The following ANKRD26 variants were observed in gnomAD, a reference collection of about 807,000 sequenced individuals.
ANKRD26 encodes the protein ankyrin repeat domain-containing protein 26.
A neutral mutation model predicts 208.7 loss-of-function variants in ANKRD26; 141 were observed. That is an observed-to-expected ratio of 0.68 (90% CI 0.59 to 0.78). ANKRD26 has a LOEUF of 0.78. ANKRD26 is among the 30% of genes least tolerant of loss of function. ANKRD26 has a pLI of 0.00. For missense variants in ANKRD26, 1,889 were observed against 1,938.7 expected, an observed-to-expected ratio of 0.97 and a Z score of 0.48; for synonymous variants, 636 against 660.4, an observed-to-expected ratio of 0.96 and a Z score of 0.57.
In ANKRD26 at chr10:27,031,878, C is replaced by T. The variant is rs2053874508; in HGVS notation, c.3807+1347G>A. 2.0e-5 allele frequency among the ~76,000 whole-genome samples: 3 copies of T among 151,988 alleles called. No individual in the cohort carries two copies. The South Asian group carries it at 6.2e-4, about 32-fold the overall frequency. ...TATTTCAAATAGTTTATAAATTAAC[C>T]TAAAACATTTGCATTTTGGAGAAAA... On this transcript the variant is annotated intron_variant, in intron 25 of 33. Transcript: ENST00000376087.
At position 27,077,443 on chromosome 10, in the gene ANKRD26, A is replaced by G. The variant is rs772012550; in HGVS notation, c.972T>C (p.Pro324=). The change falls in exon 9 of 34, where the codon CCT becomes CCC. Residue 324 remains proline (P), a synonymous_variant. Transcript: ENST00000376087. ...AGCACTGGACTTTGATTGATGTTGT[A>G]GGAAGGCTTTCAACCACAACTTCAT... The part of the protein sequence containing the change: ...SQDEVVVESL[P]TTSIKVQCFS... 1 of 1,613,750 alleles carries G rather than the reference A, an allele frequency of 6.2e-7. No individual in the cohort carries two copies. Among genetic ancestry groups the G allele is most frequent in the South Asian group, 1.1e-5 (1 of 91,084 alleles).
chr10:26,952,344 T>C, the ANKRD26 span, among the ~76,000 whole-genome samples: 1 of 152,060 alleles, frequency 6.6e-6, no homozygotes, highest in African/African-American at 2.4e-5. Flanking sequence ...TGTTTGTGTG[T>C]CTTGCCATTA....
At chr10:27,073,055 C>A (rs1247977293) in intron 9 of ANKRD26, among the ~76,000 whole-genome samples, 1 of 152,168 alleles carries the variant, frequency 6.6e-6, no homozygotes, top group Non-Finnish European at 1.5e-5. Context: ...CAGCCAGGTT[C>A]TCAGGGGCTG....
chr10:27,041,314 G>A (rs142255597), intron 20 of ANKRD26, among the ~76,000 whole-genome samples: 71 of 152,172 alleles, frequency 4.7e-4, no homozygotes, highest in Middle Eastern at 3.4e-3. Context: ...AACAGTGCAT[G>A]TATGCTAGGA....
chr10:27,022,717 A>C (rs1343598396), intron 28 of ANKRD26, 30 bp from the exon 29 acceptor site: 2 of 1,558,952 alleles, frequency 1.3e-6, no homozygotes, highest in South Asian at 2.3e-5. Context: ...GAGTAACTCA[A>C]GTTTTAAAAA....
chr10:27,010,572 T>C (rs1339198544), intron 32 of ANKRD26, among the ~76,000 whole-genome samples: 1 of 152,208 alleles, frequency 6.6e-6, no homozygotes, highest in Non-Finnish European at 1.5e-5. Flanking sequence ...CATAGCTCAC[T>C]GTAGCCTTGA....
Position 27,035,269 on chromosome 10 carries a change from T to A in ANKRD26, c.3181A>T (p.Ile1061Phe). ...GTTTTAAATAGTTGTTGAGAAAGAA[T>A]CTCATTGTTATCTTTTAGGTTAGAC... ...DVSNLKDNNEILSQQLFKTES... is the reference protein window; with the variant it reads ...DVSNLKDNNEFLSQQLFKTES... Residue 1061 changes from isoleucine to phenylalanine, a missense_variant, in exon 24 of 34, where the codon ATT becomes TTT. Coordinates refer to ENST00000376087, the MANE Select transcript of ANKRD26 (RefSeq NM_014915.3). 1 of 1,613,962 alleles carries A rather than the reference T, an allele frequency of 6.2e-7. No homozygotes were observed. Among genetic ancestry groups the A allele is most frequent in the Non-Finnish European group, 8.5e-7 (1 of 1,179,896 alleles).
At chr10:26,985,540 C>T (rs2052372746) in intron 3 of ANKRD26, among the ~76,000 whole-genome samples, 1 of 152,116 alleles carries the variant, frequency 6.6e-6, no homozygotes, top group Admixed American at 6.6e-5. Context: ...ATGACCATTC[C>T]CCAGATTGGA....
downstream of ANKRD26, among the ~76,000 whole-genome samples, chr10:27,001,941 G>T (rs1293002602): frequency 6.6e-6 from 1 of 152,170 alleles, no homozygotes; most frequent in East Asian, 1.9e-4. Flanking sequence ...TCTATCTCCT[G>T]TATCAGGAGT....
In ANKRD26 at chr10:27,009,274, C is replaced by T. The variant is rs61851036; in HGVS notation, c.4954-2312G>A. On this transcript the variant is annotated intron_variant, in intron 32 of 33. Coordinates refer to ENST00000376087, the MANE Select transcript of ANKRD26 (RefSeq NM_014915.3). ...CAGGAGGGAGGTGCTCTGGGAGGGA[C>T]ACTTGAAAGCTTAGGAAAAGGGTCT... 5.1e-3 allele frequency among the ~76,000 whole-genome samples: 774 copies of T among 152,272 alleles called. 4 individuals carry two copies. The highest frequency in any genetic ancestry group is 7.9e-3 in the Admixed American group (121 of 15,286).
chr10:27,051,839 C>T (rs898302453), intron 16 of ANKRD26: 1 of 985,242 alleles, frequency 1.0e-6, no homozygotes, highest in Non-Finnish European at 1.2e-6. Context: ...CATGTAGTGA[C>T]TCTTCCCCAG....
intron 11 of ANKRD26, among the ~76,000 whole-genome samples, chr10:27,065,852 A>AT (rs1184749160): frequency 1.4e-5 from 2 of 138,224 alleles, no homozygotes; most frequent in Admixed American, 7.7e-5. Flanking sequence ...ACCTGAAATA[A>AT]TTCTTTCTTT....
At chr10:27,099,050 G>A (rs1360270381) in intron 1 of ANKRD26, among the ~76,000 whole-genome samples, 1 of 151,964 alleles carries the variant, frequency 6.6e-6, no homozygotes, top group Non-Finnish European at 1.5e-5. Flanking sequence ...GAGTGCAATG[G>A]CACGATCTTG....
At chr10:27,016,450 A>T (rs1018577383) in intron 30 of ANKRD26, among the ~76,000 whole-genome samples, 13 of 151,852 alleles carry the variant, frequency 8.6e-5, no homozygotes, top group African/African-American at 2.9e-4. Context: ...TTATTTTTTT[A>T]AATTTTTTAG....
intron 15 of ANKRD26, among the ~76,000 whole-genome samples, chr10:27,058,579 A>G (rs2054924569): frequency 6.7e-6 from 1 of 149,804 alleles, no homozygotes; most frequent in Non-Finnish European, 1.5e-5. Context: ...GAACTCCACC[A>G]TGATTTTTTT....
chr10:27,072,726 T>G (rs1407056961), intron 9 of ANKRD26, among the ~76,000 whole-genome samples: 1 of 152,228 alleles, frequency 6.6e-6, no homozygotes, highest in Non-Finnish European at 1.5e-5. Flanking sequence ...AGTAGGAAAC[T>G]TCTGTGCATC....
chr10:26,980,250 CAG>C (rs1305547966), intron 5 of ANKRD26, among the ~76,000 whole-genome samples: 1 of 152,236 alleles, frequency 6.6e-6, no homozygotes, highest in African/African-American at 2.4e-5. Flanking sequence ...TTATAATTAA[CAG>C]AGCAGTGGCT....
intron 5 of ANKRD26, among the ~76,000 whole-genome samples, chr10:26,992,487 CACACACACACACACACACACAG>C (rs2052505977): frequency 6.7e-6 from 1 of 149,944 alleles, no homozygotes; most frequent in African/African-American, 2.5e-5. Flanking sequence ...CACACACACA[CACACACACACACACACACACAG>C]AGAGAAAAAG....
intron 17 of ANKRD26, among the ~76,000 whole-genome samples, chr10:27,048,198 T>C (rs11015482): frequency 0.12 from 18,066 of 152,208 alleles, 1,522 homozygotes; most frequent in East Asian, 0.28. Flanking sequence ...ACTACAGATC[T>C]CTCTGTGCAA....
Sources: allele counts gnomAD v4.1 joint callset (sites outside exome capture counted in the v4.1 genomes callset), GRCh38; gene constraint gnomAD v4.1.1; transcripts MANE v1.5; gene names NCBI Gene and HGNC (gene_info 2026-07-23, HGNC 2026-07-21).